The following GLT1D1 variants were observed in gnomAD, a reference collection of about 807,000 sequenced individuals.
GLT1D1 encodes the protein glycosyltransferase 1 domain containing 1, also known as glycosyltransferase 1 domain-containing protein 1.
A neutral mutation model predicts 28.7 loss-of-function variants in GLT1D1; 21 were observed. The ratio of observed to expected loss-of-function variants is 0.73; its 90% CI spans 0.52 to 1.05. The LOEUF is 1.05. GLT1D1 is among the 50% of genes least tolerant of loss of function. GLT1D1 has a pLI of 0.00. For missense variants in GLT1D1, 343 were observed against 330.6 expected (o/e 1.04, Z -0.29); for synonymous variants, 147 against 124.8 (o/e 1.18, Z -1.19).
chr12:128,956,228 C>A (rs1297697060), intron 6 of GLT1D1, among the ~76,000 whole-genome samples: 2 of 148,070 alleles, frequency 1.4e-5, no homozygotes, highest in Non-Finnish European at 3.0e-5. Flanking sequence ...CGTTAAATAC[C>A]CCTAACCTAC....
intron 6 of GLT1D1, among the ~76,000 whole-genome samples, chr12:128,955,592 C>T (rs1004819325): frequency 7.9e-5 from 12 of 151,934 alleles, no homozygotes; most frequent in Admixed American, 7.9e-4. Context: ...TTTAGTGTCC[C>T]CCAACCCAGC....
At chr12:128,906,435 CAGG>C (rs1483961469) in intron 4 of GLT1D1, among the ~76,000 whole-genome samples, 2 of 152,162 alleles carry the variant, frequency 1.3e-5, no homozygotes, top group Non-Finnish European at 2.9e-5. Flanking sequence ...ACGCTTCTAC[CAGG>C]AGAAGCAATG....
chr12:128,936,619 A>G (rs1874595174), intron 4 of GLT1D1, among the ~76,000 whole-genome samples: 1 of 152,192 alleles, frequency 6.6e-6, no homozygotes, highest in Non-Finnish European at 1.5e-5. Context: ...GCAGGCGATC[A>G]TATGTGGGTG....
chr12:128,949,370 G>A (rs1210246817), intron 6 of GLT1D1, among the ~76,000 whole-genome samples: 1 of 152,138 alleles, frequency 6.6e-6, no homozygotes, highest in Non-Finnish European at 1.5e-5. Flanking sequence ...TAACCTTTGG[G>A]CGAAGTGTTT....
chr12:128,926,505 G>A (rs535616991), intron 4 of GLT1D1, 51 bp downstream of exon 7: 39 of 923,486 alleles, frequency 4.2e-5, no homozygotes, highest in Admixed American at 3.9e-4. Flanking sequence ...CCTTGTGGGC[G>A]CCCATCTCAG....
At chr12:128,874,110 CTCTCTCTCTCTCTCTCTTTCTT>C (rs1236871811) in intron 1 of GLT1D1, among the ~76,000 whole-genome samples, 4 of 54,714 alleles carry the variant, frequency 7.3e-5, no homozygotes, top group East Asian at 1.1e-3. Flanking sequence ...CTCTCTCTCT[CTCTCTCTCTCTCTCTCTTTCTT>C]TCTTTCTTTC....
chr12:128,928,661 C>T (rs1873547098), intron 4 of GLT1D1, among the ~76,000 whole-genome samples: 1 of 151,380 alleles, frequency 6.6e-6, no homozygotes, highest in Non-Finnish European at 1.5e-5. Context: ...GCTCCTGTCA[C>T]CCAGGCTAGA....
At chr12:128,906,310 C>G (rs900050051) in intron 4 of GLT1D1, among the ~76,000 whole-genome samples, 3 of 152,096 alleles carry the variant, frequency 2.0e-5, no homozygotes, top group South Asian at 4.1e-4. Context: ...ACTTCTAGTT[C>G]TAGTCCACGT....
intron 4 of GLT1D1, among the ~76,000 whole-genome samples, chr12:128,914,435 C>G (rs1186344160): frequency 6.6e-6 from 1 of 152,060 alleles, no homozygotes; most frequent in Non-Finnish European, 1.5e-5. Context: ...TCTTTTTAAC[C>G]CTCCTGTGCT....
intron 7 of GLT1D1, among the ~76,000 whole-genome samples, chr12:128,968,621 T>A (rs1417985572): frequency 6.6e-6 from 1 of 152,012 alleles, no homozygotes; most frequent in African/African-American, 2.4e-5. Flanking sequence ...CGAGATCATG[T>A]CACTGCACTC....
chr12:128,878,010 C>A (rs1182597600), intron 2 of GLT1D1, among the ~76,000 whole-genome samples: 1 of 152,194 alleles, frequency 6.6e-6, no homozygotes, highest in Non-Finnish European at 1.5e-5. Flanking sequence ...CCAGCTTCTC[C>A]CTGAGAGAAC....
At chr12:128,908,728 T>A (rs1446060632) in intron 4 of GLT1D1, among the ~76,000 whole-genome samples, 1 of 151,882 alleles carries the variant, frequency 6.6e-6, no homozygotes. Flanking sequence ...GGAGGGCGGA[T>A]CACGAGGTCA....
At chr12:128,958,853 T>A (rs1015397391) in intron 7 of GLT1D1, among the ~76,000 whole-genome samples, 3 of 77,988 alleles carry the variant, frequency 3.8e-5, no homozygotes, top group African/African-American at 1.5e-4. Context: ...TTTTTTTTTT[T>A]ATGAGACAGG....
intron 3 of GLT1D1, among the ~76,000 whole-genome samples, chr12:128,894,981 A>G (rs1203379803): frequency 6.6e-6 from 1 of 151,956 alleles, no homozygotes; most frequent in African/African-American, 2.4e-5. Flanking sequence ...AAATTGCCCC[A>G]GATTTGCCCA....
intron 1 of GLT1D1, among the ~76,000 whole-genome samples, chr12:128,863,755 C>G (rs1328922212): frequency 6.6e-6 from 1 of 151,702 alleles, no homozygotes; most frequent in Non-Finnish European, 1.5e-5. Context: ...GTTTCACTGG[C>G]TAACGCAGTG....
chr12:128,911,346 C>G (rs1871503945), intron 4 of GLT1D1, among the ~76,000 whole-genome samples: 1 of 152,210 alleles, frequency 6.6e-6, no homozygotes. Flanking sequence ...TTCACTTTAG[C>G]TTGTGTCCCA....
At chr12:128,864,333 G>T (rs1401209911) in intron 1 of GLT1D1, among the ~76,000 whole-genome samples, 1 of 152,006 alleles carries the variant, frequency 6.6e-6, no homozygotes, top group Non-Finnish European at 1.5e-5. Context: ...AAGGAGACAG[G>T]CTGGGAAGGC....
intron 6 of GLT1D1, among the ~76,000 whole-genome samples, chr12:128,951,811 G>A (rs1188232168): frequency 1.3e-5 from 2 of 152,194 alleles, no homozygotes; most frequent in Non-Finnish European, 1.5e-5. Context: ...TTGGTTTTCC[G>A]AGAGTTGACT....
chr12:128,925,886 A>G (rs1873150857), intron 4 of GLT1D1, among the ~76,000 whole-genome samples: 2 of 152,114 alleles, frequency 1.3e-5, no homozygotes, highest in Admixed American at 6.6e-5. Flanking sequence ...CAGCAAGGAA[A>G]TTAATATAAA....
Sources: allele counts gnomAD v4.1 joint callset (sites outside exome capture counted in the v4.1 genomes callset), GRCh38; gene constraint gnomAD v4.1.1; transcripts MANE v1.5; gene names NCBI Gene and HGNC (gene_info 2026-07-23, HGNC 2026-07-21).